GRIK2: variants seen among roughly 807,000 people sequenced by gnomAD.
The protein encoded by GRIK2 is glutamate ionotropic receptor kainate type subunit 2, also known as glutamate receptor ionotropic, kainate 2.
Under a neutral mutation model 100.3 loss-of-function variants are expected in GRIK2, and 32 were observed. The ratio of observed to expected loss-of-function variants is 0.32; its 90% CI spans 0.24 to 0.43. The LOEUF (loss-of-function observed/expected upper bound fraction) is 0.43, where lower values mean the gene tolerates loss of function less well. Ranked by LOEUF, GRIK2 falls within the 20% of genes least tolerant of loss-of-function variation. The probability of loss-of-function intolerance (pLI) is 1.00; values close to 1 mark genes in which losing one functional copy is unlikely to be tolerated. For synonymous variants in GRIK2, 417 were observed against 389.4 expected (o/e 1.07, Z -0.83); for missense variants, 843 against 1,114.9 (o/e 0.76, Z 3.47).
At chr6:101,518,006 C>T (rs543238036) in intron 2 of GRIK2, among the ~76,000 whole-genome samples, 26 of 152,206 alleles carry the variant, frequency 1.7e-4, no homozygotes, top group African/African-American at 5.8e-4. Context: ...TGAATAATTT[C>T]ATTGCAGCCT....
intron 13 of GRIK2, among the ~76,000 whole-genome samples, chr6:101,926,937 C>G (rs1015412939): frequency 6.8e-6 from 1 of 148,124 alleles, no homozygotes; most frequent in Admixed American, 6.6e-5. Context: ...GTTGTTTAAA[C>G]AAAACAAAAC....
At chr6:101,892,520 AG>A (rs998136505) in intron 12 of GRIK2, among the ~76,000 whole-genome samples, 7 of 151,480 alleles carry the variant, frequency 4.6e-5, no homozygotes, top group African/African-American at 7.2e-5. Context: ...CTAATGTACC[AG>A]TTTTTTTTTT....
chr6:101,606,542 A>T (rs572160711), intron 2 of GRIK2, among the ~76,000 whole-genome samples: 65 of 152,020 alleles, frequency 4.3e-4, no homozygotes, highest in Non-Finnish European at 6.9e-4. Flanking sequence ...TAAAGCCAAG[A>T]ACGTTTAACT....
intron 14 of GRIK2, among the ~76,000 whole-genome samples, chr6:101,943,996 A>G (rs1356378145): frequency 6.6e-6 from 1 of 152,096 alleles, no homozygotes; most frequent in Non-Finnish European, 1.5e-5. Flanking sequence ...CATGTTTTGA[A>G]GGAGGGGCCT....
intron 2 of GRIK2, among the ~76,000 whole-genome samples, chr6:101,465,667 T>C (rs369230382): frequency 7.2e-5 from 11 of 152,260 alleles, no homozygotes; most frequent in African/African-American, 2.4e-4. Flanking sequence ...CTAGATGATC[T>C]GAAGTTAAAA....
intron 14 of GRIK2, among the ~76,000 whole-genome samples, chr6:102,015,480 C>T (rs889137581): frequency 1.3e-5 from 2 of 152,142 alleles, no homozygotes; most frequent in African/African-American, 2.4e-5. Flanking sequence ...CAGTCCTACA[C>T]CAGAGCCCTG....
At chr6:101,773,784 T>C (rs375822272) in intron 7 of GRIK2, among the ~76,000 whole-genome samples, 22 of 152,176 alleles carry the variant, frequency 1.4e-4, no homozygotes, top group Non-Finnish European at 2.8e-4. Context: ...GTGAGGAAAA[T>C]GAAGCTAAGA....
chr6:101,791,309 A>G (rs1464378066), intron 7 of GRIK2, among the ~76,000 whole-genome samples: 3 of 151,974 alleles, frequency 2.0e-5, no homozygotes, highest in East Asian at 1.9e-4. Context: ...TAGGGTGTCA[A>G]TTTTGGATCT....
At chr6:101,895,714 A>G (rs1208015244) in intron 12 of GRIK2, among the ~76,000 whole-genome samples, 3 of 151,694 alleles carry the variant, frequency 2.0e-5, no homozygotes, top group Non-Finnish European at 4.4e-5. Flanking sequence ...CTTTTTACCA[A>G]AAAAAACGAT....
intron 2 of GRIK2, among the ~76,000 whole-genome samples, chr6:101,561,602 A>G (rs1309422617): frequency 6.6e-6 from 1 of 152,142 alleles, no homozygotes; most frequent in Non-Finnish European, 1.5e-5. Context: ...TCAAAATATT[A>G]CATGCACTCC....
intron 14 of GRIK2, among the ~76,000 whole-genome samples, chr6:101,976,901 GGGAATAGT>G (rs925480426): frequency 3.2e-4 from 48 of 151,882 alleles, no homozygotes; most frequent in South Asian, 8.3e-4. Context: ...TGAAGAGTGG[GGGAATAGT>G]GGAATAGTGG....
chr6:101,929,776 T>C (rs1272197035), intron 14 of GRIK2, among the ~76,000 whole-genome samples: 1 of 152,144 alleles, frequency 6.6e-6, no homozygotes, highest in East Asian at 1.9e-4. Context: ...ATAAATTAGA[T>C]TTAGTCAAAT....
intron 4 of GRIK2, among the ~76,000 whole-genome samples, chr6:101,641,748 T>C (rs1464216393): frequency 6.6e-6 from 1 of 151,958 alleles, no homozygotes; most frequent in African/African-American, 2.4e-5. Flanking sequence ...GCTTTTACAC[T>C]ATTGAAAAAG....
At chr6:101,763,215 A>G (rs369952712) in intron 7 of GRIK2, among the ~76,000 whole-genome samples, 1 of 152,148 alleles carries the variant, frequency 6.6e-6, no homozygotes, top group Non-Finnish European at 1.5e-5. Flanking sequence ...TTTGATGACA[A>G]TGTGGTAAGA....
chr6:101,433,973 G>A (rs1399117421), intron 2 of GRIK2, among the ~76,000 whole-genome samples: 1 of 152,196 alleles, frequency 6.6e-6, no homozygotes, highest in Non-Finnish European at 1.5e-5. Context: ...TACTATGCTA[G>A]AATTAATAGT....
intron 2 of GRIK2, among the ~76,000 whole-genome samples, chr6:101,538,413 T>G (rs953383644): frequency 6.6e-6 from 1 of 151,784 alleles, no homozygotes; most frequent in Admixed American, 6.6e-5. Context: ...TTTTAAGTAT[T>G]GGTAAATTTT....
chr6:101,423,346 A>G lies in GRIK2; in HGVS notation c.115+23954A>G, dbSNP rs1776513704. On this transcript the variant is annotated intron_variant, in intron 2 of 16. Coordinates refer to ENST00000369134, the MANE Select transcript of GRIK2 (RefSeq NM_021956.5). ...TCTTAGGTATACTTTAAAAAGCTCT[A>G]TTTTTAAAATTTGGATAGACTTCCC... is the stretch of plus-strand genomic sequence containing the variant. Among the ~76,000 whole-genome samples the G allele has an allele frequency of 1.3e-5, 2 of 152,142 alleles. 1 individual carries two copies. Among genetic ancestry groups the G allele is most frequent in the East Asian group, 3.9e-4 (2 of 5,188 alleles).
chr6:101,617,197 C>T (rs1335171770), intron 2 of GRIK2, among the ~76,000 whole-genome samples: 1 of 151,624 alleles, frequency 6.6e-6, no homozygotes, highest in Non-Finnish European at 1.5e-5. Flanking sequence ...GTAAAGTGCA[C>T]ACATGATACA....
At chr6:101,510,148 C>T (rs1369883065) in intron 2 of GRIK2, among the ~76,000 whole-genome samples, 2 of 152,070 alleles carry the variant, frequency 1.3e-5, no homozygotes, top group Non-Finnish European at 2.9e-5. Flanking sequence ...GTGCTTATTT[C>T]TTAAGCAAAG....
Sources: gnomAD v4.1 joint callset for allele counts (sites outside exome capture counted in the v4.1 genomes callset) on GRCh38, gnomAD v4.1.1 for gene constraint, MANE v1.5 for transcripts, NCBI Gene and HGNC (gene_info 2026-07-23, HGNC 2026-07-21) for gene names.